Variants in DNAAF5 observed in about 807,000 individuals in gnomAD.
DNAAF5 encodes HEAT repeat containing 2.
DNAAF5 carries 64 observed loss-of-function variants against 75.8 expected under a neutral mutation model. The observed-to-expected ratio is 0.84, with a 90% CI of 0.69 to 1.04. DNAAF5 has a LOEUF of 1.04. Ranked by LOEUF, DNAAF5 falls within the 50% of genes least tolerant of loss-of-function variation. DNAAF5 has a pLI of 0.00. For missense variants in DNAAF5, 1,269 were observed against 1,178.5 expected, an observed-to-expected ratio of 1.08 and a Z score of -1.12; for synonymous variants, 657 against 557.2, an observed-to-expected ratio of 1.18 and a Z score of -2.52.
chr7:774,340 C>A, intron 10 of DNAAF5, 142 bp downstream of exon 10: 2 of 909,462 alleles, frequency 2.2e-6, no homozygotes, highest in Non-Finnish European at 3.2e-6. Flanking sequence ...GAGGCTCTCC[C>A]CACACTGGCG....
At chr7:782,843 C>G (rs989675835) in intron 12 of DNAAF5, among the ~76,000 whole-genome samples, 2 of 151,212 alleles carry the variant, frequency 1.3e-5, no homozygotes, top group African/African-American at 4.9e-5. Context: ...CCGGCGGCAT[C>G]AGAAACTCGG....
chr7:765,763 C>T (rs911377891), intron 8 of DNAAF5, among the ~76,000 whole-genome samples: 1 of 152,154 alleles, frequency 6.6e-6, no homozygotes, highest in African/African-American at 2.4e-5. Flanking sequence ...TGCAGTGGTA[C>T]GATCACAGCT....
At position 729,651 on chromosome 7, in the gene DNAAF5, C is replaced by T; in HGVS notation, c.596-12C>T. ...AGCAGCTCTGGTAACTGGGGGCCTC[C>T]CTGTCCCTCAGACCACTTCCACATG... On this transcript the variant is annotated splice_polypyrimidine_tract_variant and intron_variant, in intron 1 of 12. Coordinates refer to ENST00000297440, the MANE Select transcript of DNAAF5 (RefSeq NM_017802.4). The T allele has an allele frequency of 6.2e-7, 1 of 1,610,592 alleles. No homozygotes were observed. Among genetic ancestry groups the T allele is most frequent in the Non-Finnish European group, 8.5e-7 (1 of 1,177,730 alleles).
At chr7:779,930 C>A in intron 11 of DNAAF5, 23 bp from the exon 12 acceptor site, 2 of 1,607,180 alleles carry the variant, frequency 1.2e-6, no homozygotes, top group South Asian at 1.1e-5. Context: ...GACTCACACA[C>A]CTGTCTCGCT....
At chr7:736,274 T>C (rs1781737424) in intron 2 of DNAAF5, among the ~76,000 whole-genome samples, 1 of 152,244 alleles carries the variant, frequency 6.6e-6, no homozygotes, top group Admixed American at 6.5e-5. Context: ...ATTTTCTCTC[T>C]GGATGATTTG....
chr7:750,057 T>C (rs1782242666), intron 4 of DNAAF5, among the ~76,000 whole-genome samples: 1 of 152,230 alleles, frequency 6.6e-6, no homozygotes, highest in South Asian at 2.1e-4. Context: ...TTCAGAAGCA[T>C]GTGCTGAGTA....
At chr7:784,171 G>A (rs1438505481) in intron 12 of DNAAF5, among the ~76,000 whole-genome samples, 1 of 152,112 alleles carries the variant, frequency 6.6e-6, no homozygotes, top group Non-Finnish European at 1.5e-5. Flanking sequence ...AGGCACAGCT[G>A]GCGGCCACGC....
At chr7:740,316 G>A (rs189791792) in intron 2 of DNAAF5, among the ~76,000 whole-genome samples, 117 of 152,336 alleles carry the variant, frequency 7.7e-4, no homozygotes, top group African/African-American at 2.6e-3. Flanking sequence ...CAGAACTGGG[G>A]ACCCTACTGG....
At chr7:744,726 C>T (rs919742456) in intron 4 of DNAAF5, among the ~76,000 whole-genome samples, 2 of 152,268 alleles carry the variant, frequency 1.3e-5, no homozygotes, top group East Asian at 1.9e-4. Flanking sequence ...CTAGTTCAAC[C>T]ATTGTGGAAG....
At chr7:752,929 G>C (rs2128077656) in intron 4 of DNAAF5, among the ~76,000 whole-genome samples, 1 of 152,360 alleles carries the variant, frequency 6.6e-6, no homozygotes, top group Middle Eastern at 3.4e-3. Flanking sequence ...TACCAGGGAA[G>C]ATAGGCGGCA....
At chr7:739,635 C>T (rs1401595235) in intron 2 of DNAAF5, among the ~76,000 whole-genome samples, 1 of 152,206 alleles carries the variant, frequency 6.6e-6, no homozygotes, top group Non-Finnish European at 1.5e-5. Flanking sequence ...CAGCGGGAGT[C>T]AGGCGCAACG....
At chr7:747,382 G>A (rs532876150) in intron 4 of DNAAF5, among the ~76,000 whole-genome samples, 1 of 152,272 alleles carries the variant, frequency 6.6e-6, no homozygotes, top group Non-Finnish European at 1.5e-5. Context: ...GCTGTTTTTA[G>A]TGTGTCCAGC....
At chr7:761,393 A>G (rs1782639172) in intron 6 of DNAAF5, among the ~76,000 whole-genome samples, 1 of 152,254 alleles carries the variant, frequency 6.6e-6, no homozygotes, top group Admixed American at 6.5e-5. Flanking sequence ...GTCGCTAATA[A>G]AGATCTACCA....
chr7:784,246 C>G (rs1779077872), intron 12 of DNAAF5, among the ~76,000 whole-genome samples: 1 of 152,192 alleles, frequency 6.6e-6, no homozygotes, highest in African/African-American at 2.4e-5. Context: ...CATGTGGGCC[C>G]CTCACTGCTC....
At chr7:746,910 G>A (rs1246251735) in intron 4 of DNAAF5, among the ~76,000 whole-genome samples, 2 of 152,202 alleles carry the variant, frequency 1.3e-5, no homozygotes, top group Non-Finnish European at 2.9e-5. Flanking sequence ...GTGGGAGCGT[G>A]GCCGCTGGCG....
rs556422162 is a variant in DNAAF5, at chr7:739,162, C to T, written c.781-1657C>T. ...GCTGCAGTCTGGCTTGTCTCAGCCACGCCCTCTGCCCCATCACTGTATACC... is the reference window on the plus strand; with the variant it reads ...GCTGCAGTCTGGCTTGTCTCAGCCATGCCCTCTGCCCCATCACTGTATACC... On this transcript the variant is annotated intron_variant, in intron 2 of 12. Transcript: ENST00000297440. Among the ~76,000 whole-genome samples, 47 of 108,340 alleles carry T rather than the reference C, an allele frequency of 4.3e-4. 6 individuals are homozygous for T. Among genetic ancestry groups the T allele is most frequent in the Non-Finnish European group, 8.0e-4 (42 of 52,718 alleles). The allele number at this position is 108,340 out of a possible 152,430, so 71.1% of individuals were successfully genotyped here.
chr7:782,005 G>A (rs1320868858), intron 12 of DNAAF5, among the ~76,000 whole-genome samples: 1 of 152,270 alleles, frequency 6.6e-6, no homozygotes, highest in Non-Finnish European at 1.5e-5. Flanking sequence ...GGGCCTGGAT[G>A]TGCTGACTTT....
Position 763,949 on chromosome 7 carries a change from G to C in DNAAF5, c.1758G>C (p.Gln586His), listed in dbSNP as rs1318929381. 1 of 1,606,476 alleles carries C rather than the reference G, an allele frequency of 6.2e-7. No individual in the cohort carries two copies. Among genetic ancestry groups the C allele is most frequent in the Non-Finnish European group, 8.5e-7 (1 of 1,179,998 alleles). ...CCGCACACTCGCCGGAGCTCCTGCA[G>C]TTCAGTGTCATCGTCGCACAGTCAG... Reference protein sequence around the residue: ...DWTAHSPELLQFSVIVAQSGP... With the variant: ...DWTAHSPELLHFSVIVAQSGP... Residue 586 changes from glutamine to histidine, a missense_variant, in exon 8 of 13, where the codon CAG (glutamine) becomes CAC (histidine). Transcript: ENST00000297440.
chr7:768,243 T>TGTCC (rs760215617), intron 8 of DNAAF5, among the ~76,000 whole-genome samples: 1 of 142,436 alleles, frequency 7.0e-6, no homozygotes, highest in Non-Finnish European at 1.5e-5. Context: ...AGGGCGGAAG[T>TGTCC]GTCCGTGCTG....
Sources: allele counts gnomAD v4.1 joint callset (sites outside exome capture counted in the v4.1 genomes callset), GRCh38; gene constraint gnomAD v4.1.1; transcripts MANE v1.5; gene names NCBI Gene and HGNC (gene_info 2026-07-23, HGNC 2026-07-21).